EVL: variants seen among roughly 807,000 people sequenced by gnomAD.
EVL encodes ena/VASP-like protein.
EVL carries 21 observed loss-of-function variants against 59.6 expected under a neutral mutation model. That is an observed-to-expected ratio of 0.35 (90% CI 0.25 to 0.51). The LOEUF is 0.51. Ranked by LOEUF, EVL falls within the 20% of genes least tolerant of loss-of-function variation. The probability of loss-of-function intolerance (pLI) is 0.97; values close to 1 mark genes in which losing one functional copy is unlikely to be tolerated. For missense variants in EVL, 462 were observed against 546.6 expected, an observed-to-expected ratio of 0.85 and a Z score of 1.54; for synonymous variants, 198 against 203.5, an observed-to-expected ratio of 0.97 and a Z score of 0.23.
intron 1 of EVL, among the ~76,000 whole-genome samples, chr14:100,013,838 C>T (rs2061033113): frequency 6.6e-6 from 1 of 151,990 alleles, no homozygotes; most frequent in South Asian, 2.1e-4. Context: ...AGTTTGGGGG[C>T]TGAGACTATT....
chr14:100,081,163 TGATTTG>T (rs2062293833), intron 1 of EVL, among the ~76,000 whole-genome samples: 1 of 152,172 alleles, frequency 6.6e-6, no homozygotes, highest in African/African-American at 2.4e-5. Flanking sequence ...AAGGGATAGA[TGATTTG>T]GACAAATTAA....
chr14:100,083,752 T>G (rs769067349), intron 1 of EVL, among the ~76,000 whole-genome samples: 8 of 152,240 alleles, frequency 5.3e-5, no homozygotes, highest in African/African-American at 1.2e-4. Flanking sequence ...TTTCTTTAGA[T>G]CACCAAAATA....
At chr14:100,011,214 A>T (rs1271177133) in intron 1 of EVL, among the ~76,000 whole-genome samples, 1 of 152,224 alleles carries the variant, frequency 6.6e-6, no homozygotes, top group Non-Finnish European at 1.5e-5. Context: ...CAAAAAGATT[A>T]TTGTGTGCCC....
chr14:100,095,789 G>A (rs932720904), intron 2 of EVL, among the ~76,000 whole-genome samples: 10 of 152,158 alleles, frequency 6.6e-5, no homozygotes, highest in Admixed American at 4.6e-4. Flanking sequence ...GTGCAATGGC[G>A]CAATCTCGGC....
chr14:99,983,279 CAT>C (rs1043241398), intron 1 of EVL, among the ~76,000 whole-genome samples: 4 of 152,128 alleles, frequency 2.6e-5, no homozygotes, highest in African/African-American at 9.7e-5. Flanking sequence ...AAACAGGAGA[CAT>C]AATATTTGGA....
intron 3 of EVL, chr14:100,106,859 G>T: frequency 2.5e-6 from 1 of 398,676 alleles, no homozygotes; most frequent in Non-Finnish European, 4.4e-6. Flanking sequence ...GAGGAAGTTT[G>T]TACTTGGCCC....
chr14:99,973,588 G>A lies in EVL; in HGVS notation c.5+1531G>A, dbSNP rs56269320. 0.011 allele frequency among the ~76,000 whole-genome samples: 1,599 copies of A among 152,174 alleles called. 80 individuals are homozygous for A. The East Asian group carries it at 0.16, about 15-fold the overall frequency. On this transcript the variant is annotated intron_variant, in intron 1 of 13. Coordinates refer to the EVL transcript ENST00000402714. Reference sequence around the variant, plus strand: ...AGCGATTCTGCTGTCTCAGCTTCCCGAGTAGCTGGGATTACAGGTACGTAC... The same window carrying A: ...AGCGATTCTGCTGTCTCAGCTTCCCAAGTAGCTGGGATTACAGGTACGTAC...
At chr14:100,128,408 T>A (rs1888214230) in intron 5 of EVL, 111 bp from the exon 6 acceptor site, 2 of 1,109,384 alleles carry the variant, frequency 1.8e-6, no homozygotes, top group South Asian at 2.5e-5. Context: ...TTCTCATCCC[T>A]TTGGGGAGCA....
intron 8 of EVL, among the ~76,000 whole-genome samples, chr14:100,133,550 C>G (rs1888576025): frequency 6.6e-6 from 1 of 152,240 alleles, no homozygotes; most frequent in Non-Finnish European, 1.5e-5. Flanking sequence ...TGATCCACGC[C>G]TCTCAGCCCC....
intron 2 of EVL, among the ~76,000 whole-genome samples, chr14:100,097,262 A>G (rs1311229767): frequency 6.6e-6 from 1 of 152,214 alleles, no homozygotes; most frequent in East Asian, 1.9e-4. Flanking sequence ...TTGTAACTAC[A>G]TAGCATTATT....
At chr14:99,982,444 AAAG>A (rs1186258429) in intron 1 of EVL, among the ~76,000 whole-genome samples, 8 of 152,362 alleles carry the variant, frequency 5.3e-5, no homozygotes, top group African/African-American at 1.7e-4. Flanking sequence ...TGTTAATTTT[AAAG>A]AAGAAGAAGA....
At chr14:99,983,152 A>G (rs981321390) in intron 1 of EVL, among the ~76,000 whole-genome samples, 6 of 152,192 alleles carry the variant, frequency 3.9e-5, no homozygotes, top group African/African-American at 1.2e-4. Context: ...AGATGACTAT[A>G]TGACTTCATA....
In EVL at chr14:99,997,575, T is replaced by G. The variant is rs550769899; in HGVS notation, c.5+25518T>G. ...CCGTGGGAGTAGAGTTGTTGTGAAA[T>G]GGAGATAGGTCTGAAGTCAGTGTTT... On this transcript the variant is annotated intron_variant, in intron 1 of 13. Transcript: ENST00000402714. 2.6e-5 allele frequency among the ~76,000 whole-genome samples: 4 copies of G among 152,290 alleles called. No homozygotes were observed. The East Asian group carries it at 7.7e-4, about 29-fold the overall frequency.
At chr14:100,014,244 A>G (rs577246837) in intron 1 of EVL, among the ~76,000 whole-genome samples, 76 of 152,254 alleles carry the variant, frequency 5.0e-4, no homozygotes, top group African/African-American at 1.7e-3. Context: ...TCTACTCTCT[A>G]TTCTACTCAC....
At chr14:100,124,913 C>T (rs1887931596) in intron 4 of EVL, among the ~76,000 whole-genome samples, 1 of 152,110 alleles carries the variant, frequency 6.6e-6, no homozygotes, top group Admixed American at 6.5e-5. Flanking sequence ...TACACTTGTC[C>T]CAAGGCAGGA....
intron 3 of EVL, among the ~76,000 whole-genome samples, chr14:100,112,840 G>GT (rs1887089458): frequency 6.6e-6 from 1 of 152,140 alleles, no homozygotes; most frequent in Non-Finnish European, 1.5e-5. Context: ...TCTCTAGATT[G>GT]TAAGTTCCAG....
At chr14:100,112,369 C>T (rs999819586) in intron 3 of EVL, among the ~76,000 whole-genome samples, 1 of 152,160 alleles carries the variant, frequency 6.6e-6, no homozygotes, top group Admixed American at 6.5e-5. Flanking sequence ...TGCATTTAGC[C>T]CACTCTGATC....
At chr14:100,047,125 T>TTTTTTTTTTTTTTTTTTTTTTTTTA (rs2061565612) in intron 1 of EVL, among the ~76,000 whole-genome samples, 1 of 97,758 alleles carries the variant, frequency 1.0e-5, no homozygotes, top group African/African-American at 4.4e-5. Flanking sequence ...TCTCTTTTTT[T>TTTTTTTTTTTTTTTTTTTTTTTTTA]TTTTTTTTTT....
At chr14:100,006,018 C>A (rs796381665) in intron 1 of EVL, among the ~76,000 whole-genome samples, 12 of 147,646 alleles carry the variant, frequency 8.1e-5, no homozygotes, top group Admixed American at 1.3e-4. Flanking sequence ...TTCCCCCCCC[C>A]CCCCCACACC....
Sources: allele counts gnomAD v4.1 joint callset (sites outside exome capture counted in the v4.1 genomes callset), GRCh38; gene constraint gnomAD v4.1.1; transcripts MANE v1.5; gene names NCBI Gene and HGNC (gene_info 2026-07-23, HGNC 2026-07-21).